Variants in CALN1 observed in about 807,000 individuals in gnomAD.
CALN1 encodes the protein calcium-binding protein 8.
In CALN1, 17 loss-of-function variants were observed where a neutral mutation model predicts 30.6. The observed-to-expected ratio is 0.56, with a 90% confidence interval of 0.38 to 0.83. The LOEUF (loss-of-function observed/expected upper bound fraction) is 0.83. Among genes scored for constraint, CALN1 ranks in the 40% least tolerant of loss-of-function variants. CALN1 has a pLI of 0.00. For missense variants in CALN1, 291 were observed against 354.9 expected, an observed-to-expected ratio of 0.82 and a Z score of 1.45; for synonymous variants, 156 against 131.4, an observed-to-expected ratio of 1.19 and a Z score of -1.28.
intron 2 of CALN1, among the ~76,000 whole-genome samples, chr7:72,344,867 AAC>A (rs1230463763): frequency 6.8e-6 from 1 of 147,686 alleles, no homozygotes; most frequent in African/African-American, 2.5e-5. Flanking sequence ...ATATTTATAT[AAC>A]ACATAAATAT....
chr7:72,395,861 G>A (rs1805900599), intron 2 of CALN1, among the ~76,000 whole-genome samples: 1 of 152,148 alleles, frequency 6.6e-6, no homozygotes, highest in East Asian at 1.9e-4. Flanking sequence ...CCTTGGCAGG[G>A]ATGTCAGGGA....
At chr7:72,156,431 G>A (rs970101462) in intron 3 of CALN1, among the ~76,000 whole-genome samples, 3 of 152,138 alleles carry the variant, frequency 2.0e-5, no homozygotes, top group East Asian at 1.9e-4. Flanking sequence ...CCAAATGTGG[G>A]CACCTGATGG....
chr7:72,392,241 C>T (rs555585594), intron 2 of CALN1, among the ~76,000 whole-genome samples: 34 of 152,298 alleles, frequency 2.2e-4, no homozygotes, highest in African/African-American at 7.2e-4. Flanking sequence ...CAGCCATCTG[C>T]GTTTCTCCAA....
chr7:72,137,816 G>A (rs1809616389), intron 3 of CALN1, among the ~76,000 whole-genome samples: 2 of 152,156 alleles, frequency 1.3e-5, no homozygotes, highest in African/African-American at 4.8e-5. Context: ...CATCACGCCT[G>A]CTGCTTACTG....
At position 71,863,498 on chromosome 7, in the gene CALN1, C is replaced by T. The variant is rs371138145; in HGVS notation, c.502-53006G>A. Reference sequence around the variant, plus strand: ...GCTTGAACCTGGGAGGCAGGGATTACGGTGAGCTGAGTTCATGCCACTGCA... The same window carrying T: ...GCTTGAACCTGGGAGGCAGGGATTATGGTGAGCTGAGTTCATGCCACTGCA... On this transcript the variant is annotated intron_variant, in intron 5 of 6. Transcript: ENST00000395275. 5.5e-5 allele frequency among the ~76,000 whole-genome samples: 7 copies of T among 127,336 alleles called. No individual in the cohort carries two copies. In the South Asian group the frequency reaches 7.9e-4, roughly 14 times the overall value. 83.5% of individuals were successfully genotyped at this position (127,336 alleles called of 152,430 possible).
chr7:71,918,592 A>G (rs192684821), intron 5 of CALN1, among the ~76,000 whole-genome samples: 79 of 152,288 alleles, frequency 5.2e-4, no homozygotes, highest in Non-Finnish European at 1.2e-4. Flanking sequence ...GAGGGAGAAA[A>G]TGTTGGCACT....
intron 3 of CALN1, among the ~76,000 whole-genome samples, chr7:72,210,896 TA>T (rs372031170): frequency 2.4e-4 from 35 of 148,416 alleles, no homozygotes; most frequent in African/African-American, 7.2e-4. Context: ...AGAAAAAAAT[TA>T]AAAAAAAAAT....
At chr7:72,491,655 A>G in the CALN1 span, among the ~76,000 whole-genome samples, 1 of 152,318 alleles carries the variant, frequency 6.6e-6, no homozygotes. Flanking sequence ...TGGGGCCTTC[A>G]GGACTGCTGT....
chr7:72,277,196 C>T (rs117351845), intron 3 of CALN1, among the ~76,000 whole-genome samples: 265 of 152,222 alleles, frequency 1.7e-3, no homozygotes, highest in Middle Eastern at 6.8e-3. Context: ...TCCAAGCCTC[C>T]CAAACTGTGA....
rs185748949 is a variant in CALN1 at position 72,163,920 on chromosome 7, C to T, written c.245-57626G>A. Among the ~76,000 whole-genome samples the T allele has an allele frequency of 2.8e-3, 430 of 151,514 alleles. 2 individuals are homozygous for T. The highest frequency in any genetic ancestry group is 5.0e-3 in the Non-Finnish European group (342 of 67,880). On this transcript the variant is annotated intron_variant, in intron 3 of 6. Coordinates refer to ENST00000395275, the MANE Select transcript of CALN1 (RefSeq NM_031468.4). ...TGATGAATCCATGATCAGACTACCA[C>T]AAACAAGATAAAGGCAAAAAGAAAG...
chr7:72,401,556 G>A (rs1272369858), intron 2 of CALN1, among the ~76,000 whole-genome samples: 5 of 152,048 alleles, frequency 3.3e-5, no homozygotes, highest in African/African-American at 1.2e-4. Flanking sequence ...GGGTCTAAAG[G>A]GAGTTCATGT....
At chr7:71,851,028 C>G (rs1445960925) in intron 5 of CALN1, among the ~76,000 whole-genome samples, 3 of 152,094 alleles carry the variant, frequency 2.0e-5, no homozygotes. Context: ...GCCTGGGCAA[C>G]ATAGCCAGAC....
intron 5 of CALN1, among the ~76,000 whole-genome samples, chr7:71,841,031 A>G (rs1431347115): frequency 2.6e-5 from 4 of 152,114 alleles, no homozygotes; most frequent in Non-Finnish European, 5.9e-5. Context: ...AGAGCTCTTC[A>G]TTATCTTAGT....
At chr7:72,420,528 A>C (rs950949268) in intron 1 of CALN1, among the ~76,000 whole-genome samples, 1 of 151,600 alleles carries the variant, frequency 6.6e-6, no homozygotes, top group African/African-American at 2.4e-5. Flanking sequence ...TCAGGTCATG[A>C]GAAATCACCT....
intron 3 of CALN1, among the ~76,000 whole-genome samples, chr7:72,169,226 A>G (rs915102104): frequency 6.6e-6 from 1 of 151,102 alleles, no homozygotes; most frequent in Non-Finnish European, 1.5e-5. Flanking sequence ...AACTTAAGAC[A>G]AAAAAAAAGC....
At chr7:72,484,387 G>A in the CALN1 span, among the ~76,000 whole-genome samples, 1 of 152,064 alleles carries the variant, frequency 6.6e-6, no homozygotes, top group Non-Finnish European at 1.5e-5. Flanking sequence ...TTCTCCTGTT[G>A]AGGAAAGACC....
chr7:71,959,833 T>G (rs1169593055), intron 5 of CALN1, among the ~76,000 whole-genome samples: 1 of 152,082 alleles, frequency 6.6e-6, no homozygotes, highest in East Asian at 1.9e-4. Flanking sequence ...TTGTATTCTT[T>G]TTTAAAAATG....
intron 5 of CALN1, among the ~76,000 whole-genome samples, chr7:71,962,503 C>T (rs989720386): frequency 5.9e-5 from 9 of 152,174 alleles, no homozygotes; most frequent in African/African-American, 1.9e-4. Flanking sequence ...CATATTTGAG[C>T]CCTCTGCATT....
intron 3 of CALN1, among the ~76,000 whole-genome samples, chr7:72,220,103 C>T (rs1793169814): frequency 6.6e-6 from 1 of 151,516 alleles, no homozygotes; most frequent in African/African-American, 2.4e-5. Flanking sequence ...AGGTTTGTTA[C>T]ATATGTATAC....
Sources: gnomAD v4.1 joint callset for allele counts (sites outside exome capture counted in the v4.1 genomes callset) on GRCh38, gnomAD v4.1.1 for gene constraint, MANE v1.5 for transcripts, NCBI Gene and HGNC (gene_info 2026-07-23, HGNC 2026-07-21) for gene names.